Variants in SMYD3 observed in about 807,000 individuals in gnomAD.
SMYD3 encodes the protein SET and MYND domain containing 3.
In SMYD3, 36 loss-of-function variants were observed where a neutral mutation model predicts 57.7. The ratio of observed to expected loss-of-function variants is 0.62; its 90% CI spans 0.48 to 0.82. SMYD3 has a LOEUF of 0.82. Ranked by LOEUF, SMYD3 falls within the 40% of genes least tolerant of loss-of-function variation. The pLI is 0.00. For missense variants in SMYD3, 515 were observed against 538.8 expected (o/e 0.96, Z 0.44); for synonymous variants, 211 against 195.0 (o/e 1.08, Z -0.68).
At chr1:246,046,434 T>A (rs372052142) in intron 5 of SMYD3, among the ~76,000 whole-genome samples, 2 of 151,658 alleles carry the variant, frequency 1.3e-5, no homozygotes, top group African/African-American at 2.4e-5. Context: ...ATGAGAACAC[T>A]TGGACACAGG....
intron 5 of SMYD3, among the ~76,000 whole-genome samples, chr1:246,190,532 C>CCAAGATCGT (rs1261267735): frequency 4.4e-5 from 6 of 137,726 alleles, no homozygotes; most frequent in Non-Finnish European, 9.1e-5. Context: ...TTGCAGTGGG[C>CCAAGATCGT]CAAGATCGTG....
At chr1:245,858,808 GAA>G in intron 9 of SMYD3, 138 bp from the exon 10 acceptor site, 3 of 826,248 alleles carry the variant, frequency 3.6e-6, no homozygotes, top group Non-Finnish European at 3.7e-6. Flanking sequence ...TGAGCTGCCT[GAA>G]AACACACTTG....
chr1:246,427,976 GGATATCTACATGACT>G (rs2067246211), intron 1 of SMYD3, among the ~76,000 whole-genome samples: 1 of 152,070 alleles, frequency 6.6e-6, no homozygotes. Context: ...TGAAAATGGG[GGATATCTACATGACT>G]GAAAGTAACT....
intron 5 of SMYD3, among the ~76,000 whole-genome samples, chr1:246,313,632 A>G (rs76701129): frequency 0.021 from 3,130 of 152,336 alleles, 84 homozygotes; most frequent in East Asian, 0.13. Context: ...AAGTCTGGTC[A>G]CATGTAGCTC....
At chr1:245,822,644 G>T (rs892994927) in intron 10 of SMYD3, among the ~76,000 whole-genome samples, 2 of 151,738 alleles carry the variant, frequency 1.3e-5, no homozygotes, top group African/African-American at 4.8e-5. Flanking sequence ...CCATCTTATG[G>T]TATCCTTTGC....
At chr1:246,011,439 C>T (rs1212456497) in intron 5 of SMYD3, among the ~76,000 whole-genome samples, 2 of 152,104 alleles carry the variant, frequency 1.3e-5, no homozygotes, top group East Asian at 1.9e-4. Context: ...TTATTCATAA[C>T]GGTTTTTCAT....
intron 5 of SMYD3, among the ~76,000 whole-genome samples, chr1:246,138,583 G>A (rs79075521): frequency 5.6e-4 from 64 of 113,444 alleles, no homozygotes; most frequent in Non-Finnish European, 1.1e-3. Context: ...CCGCCACCAC[G>A]CCCGGCTAAT....
At chr1:246,372,102 C>A (rs535186781) in intron 1 of SMYD3, among the ~76,000 whole-genome samples, 2 of 152,232 alleles carry the variant, frequency 1.3e-5, no homozygotes, top group East Asian at 3.9e-4. Context: ...AAAGAAGAGG[C>A]CTTAAGAGAC....
At chr1:246,456,677 C>T (rs1490081696) in intron 1 of SMYD3, among the ~76,000 whole-genome samples, 1 of 152,186 alleles carries the variant, frequency 6.6e-6, no homozygotes, top group Non-Finnish European at 1.5e-5. Context: ...CTTTGTCCTG[C>T]TTTGTTTTAA....
At chr1:246,066,897 T>C (rs1318692304) in intron 5 of SMYD3, among the ~76,000 whole-genome samples, 1 of 152,234 alleles carries the variant, frequency 6.6e-6, no homozygotes, top group Non-Finnish European at 1.5e-5. Context: ...TGTTAAAATA[T>C]TTAAGGCTTA....
intron 5 of SMYD3, among the ~76,000 whole-genome samples, chr1:246,023,417 G>A (rs1433128220): frequency 2.6e-5 from 4 of 152,176 alleles, no homozygotes; most frequent in Non-Finnish European, 4.4e-5. Flanking sequence ...AGATATGACA[G>A]AGAATATTAA....
chr1:245,793,214 C>T (rs938924383), intron 10 of SMYD3, among the ~76,000 whole-genome samples: 2 of 151,444 alleles, frequency 1.3e-5, no homozygotes, highest in Non-Finnish European at 2.9e-5. Flanking sequence ...GAGGCTGAGG[C>T]AGGAGAATCG....
rs186909558 is a variant in SMYD3 at position 245,898,517 on chromosome 1, T to C, written c.813+17013A>G. On this transcript the variant is annotated intron_variant, in intron 8 of 11. Transcript: ENST00000490107. Reference sequence around the variant, plus strand: ...TGATCCTGAGTGCTAAAGATAATGCTGAATGCTTGAACATTTCTGAGCAAA... The same window carrying C: ...TGATCCTGAGTGCTAAAGATAATGCCGAATGCTTGAACATTTCTGAGCAAA... Among the ~76,000 whole-genome samples the C allele has an allele frequency of 9.2e-5, 14 of 152,338 alleles. No individual in the cohort carries two copies. The East Asian group carries it at 2.7e-3, about 29-fold the overall frequency.
At chr1:246,424,647 T>A (rs1219552992) in intron 1 of SMYD3, among the ~76,000 whole-genome samples, 2 of 152,214 alleles carry the variant, frequency 1.3e-5, no homozygotes, top group African/African-American at 4.8e-5. Flanking sequence ...TAGCTGTGTA[T>A]GATTTTCAAA....
At chr1:246,323,723 A>T (rs1412583128) in intron 5 of SMYD3, among the ~76,000 whole-genome samples, 1 of 152,178 alleles carries the variant, frequency 6.6e-6, no homozygotes, top group Admixed American at 6.5e-5. Flanking sequence ...AATTAGCCAC[A>T]TACTTCTACA....
intron 1 of SMYD3, among the ~76,000 whole-genome samples, chr1:246,474,803 C>T (rs7528434): frequency 0.08 from 12,114 of 152,104 alleles, 1,568 homozygotes; most frequent in African/African-American, 0.27. Flanking sequence ...ATCTCCCTTT[C>T]TCCTTCCCTC....
intron 5 of SMYD3, among the ~76,000 whole-genome samples, chr1:246,125,644 G>A (rs571628156): frequency 9.8e-4 from 149 of 152,216 alleles, no homozygotes; most frequent in African/African-American, 3.4e-3. Flanking sequence ...GACATACTTC[G>A]ATGGAGTGGT....
In SMYD3 at chr1:246,004,716, G is replaced by A. The variant is rs114460442; in HGVS notation, c.532-74779C>T. Among the ~76,000 whole-genome samples the A allele has an allele frequency of 4.6e-3, 705 of 152,348 alleles. 4 individuals carry two copies. The highest frequency in any genetic ancestry group is 0.016 in the African/African-American group (659 of 41,576). On this transcript the variant is annotated intron_variant, in intron 5 of 11. Coordinates refer to ENST00000490107, the MANE Select transcript of SMYD3 (RefSeq NM_001167740.2). ...AATGTATGTGCACACAAAGGGTTAC[G>A]TAGGGTTGAGGCCAGACAGAGGGTG...
At chr1:246,438,986 C>T (rs2067423327) in intron 1 of SMYD3, among the ~76,000 whole-genome samples, 1 of 151,820 alleles carries the variant, frequency 6.6e-6, no homozygotes, top group Non-Finnish European at 1.5e-5. Flanking sequence ...TCCTGACAGG[C>T]CATGGGAGTG....
Sources: gnomAD v4.1 joint callset for allele counts (sites outside exome capture counted in the v4.1 genomes callset) on GRCh38, gnomAD v4.1.1 for gene constraint, MANE v1.5 for transcripts, NCBI Gene and HGNC (gene_info 2026-07-23, HGNC 2026-07-21) for gene names.